Variants in BNC2 observed in about 807,000 individuals in gnomAD.
BNC2 encodes the protein zinc finger protein basonuclin-2.
BNC2 carries 20 observed loss-of-function variants against 76.3 expected under a neutral mutation model. The ratio of observed to expected loss-of-function variants is 0.26; its 90% CI spans 0.18 to 0.38. The LOEUF (loss-of-function observed/expected upper bound fraction) is 0.38, where lower values mean the gene tolerates loss of function less well. BNC2 is among the 10% of genes least tolerant of loss of function. The probability of loss-of-function intolerance (pLI) is 1.00; values close to 1 mark genes in which losing one functional copy is unlikely to be tolerated. For missense variants in BNC2, 1,382 were observed against 1,399.8 expected (o/e 0.99, Z 0.20); for synonymous variants, 582 against 514.8 (o/e 1.13, Z -1.77).
At chr9:16,826,593 T>C (rs987364680) in intron 1 of BNC2, among the ~76,000 whole-genome samples, 1 of 152,158 alleles carries the variant, frequency 6.6e-6, no homozygotes, top group African/African-American at 2.4e-5. Flanking sequence ...TTTTCTATCT[T>C]TTGGACTCTT....
intron 5 of BNC2, among the ~76,000 whole-genome samples, chr9:16,519,715 C>T (rs1411900731): frequency 6.6e-6 from 1 of 152,210 alleles, no homozygotes; most frequent in African/African-American, 2.4e-5. Flanking sequence ...GTTTTTTCTA[C>T]AACCCTGTAA....
chr9:16,516,132 G>A (rs1817417698), intron 5 of BNC2, among the ~76,000 whole-genome samples: 1 of 152,148 alleles, frequency 6.6e-6, no homozygotes, highest in Admixed American at 6.5e-5. Flanking sequence ...CTTTCGGGTG[G>A]CCTGGTAAAC....
intron 5 of BNC2, among the ~76,000 whole-genome samples, chr9:16,508,769 C>A (rs1201368153): frequency 5.3e-5 from 8 of 151,836 alleles, no homozygotes; most frequent in South Asian, 2.1e-4. Context: ...CTTCTGCCCA[C>A]AAATCAGTCT....
chr9:16,574,568 G>A (rs948360885), intron 4 of BNC2, among the ~76,000 whole-genome samples: 6 of 152,088 alleles, frequency 3.9e-5, no homozygotes, highest in African/African-American at 1.4e-4. Flanking sequence ...GGAACACTTG[G>A]TCCAACAGCC....
intron 3 of BNC2, among the ~76,000 whole-genome samples, chr9:16,601,683 C>T (rs1182228361): frequency 8.6e-6 from 1 of 115,726 alleles, no homozygotes; most frequent in Non-Finnish European, 1.8e-5. Context: ...AAATGGCTAT[C>T]CATTTTCATT....
rs1429617401 is a variant in BNC2, at chr9:16,413,794, AC to A, written c.*5194del. On this transcript the variant is annotated 3_prime_UTR_variant, in exon 7 of 7. Coordinates refer to ENST00000380672, the MANE Select transcript of BNC2 (RefSeq NM_017637.6). ...CTGAGGGAAAATGTGAAGAGAAGTT[AC>A]TTACATACCTCATAGAACAGTAAAT... The A allele has an allele frequency of 6.6e-6, 1 of 152,206 alleles. No individual in the cohort carries two copies. Among genetic ancestry groups the A allele is most frequent in the African/African-American group, 2.4e-5 (1 of 41,448 alleles). The allele number at this position is 152,206 out of a possible 1,614,324, so 9.4% of individuals were successfully genotyped here.
intron 1 of BNC2, among the ~76,000 whole-genome samples, chr9:16,855,343 G>T (rs1288878673): frequency 6.6e-6 from 1 of 152,146 alleles, no homozygotes; most frequent in Non-Finnish European, 1.5e-5. Context: ...TAGGATGACA[G>T]CTTCTACTTC....
intron 3 of BNC2, among the ~76,000 whole-genome samples, chr9:16,661,497 G>A (rs1391886576): frequency 6.6e-6 from 1 of 152,152 alleles, no homozygotes; most frequent in Non-Finnish European, 1.5e-5. Flanking sequence ...TATTATAGAA[G>A]ACTCTGGAGT....
chr9:16,700,828 G>C (rs72706007), intron 3 of BNC2, among the ~76,000 whole-genome samples: 1 of 152,164 alleles, frequency 6.6e-6, no homozygotes, highest in South Asian at 2.1e-4. Flanking sequence ...TTAACTGAGC[G>C]TGGTGGCACA....
At chr9:16,784,442 G>C (rs1826228573) in intron 1 of BNC2, among the ~76,000 whole-genome samples, 1 of 152,182 alleles carries the variant, frequency 6.6e-6, no homozygotes, top group African/African-American at 2.4e-5. Flanking sequence ...AAAGTAATAA[G>C]TGCCTTAAGA....
At position 16,738,839 on chromosome 9, in the gene BNC2, C is replaced by G. The variant is rs1017858102; in HGVS notation, c.4-354G>C. Among the ~76,000 whole-genome samples the G allele has an allele frequency of 2.7e-5, 4 of 149,546 alleles. No individual in the cohort carries two copies. In the East Asian group the frequency reaches 8.0e-4, roughly 30 times the overall value. On this transcript the variant is annotated intron_variant, in intron 1 of 6. Coordinates refer to ENST00000380672, the MANE Select transcript of BNC2 (RefSeq NM_017637.6). ...CCCCCATCCTCCCGCCCCAGCCCCC[C>G]GCCCCGCTCCCTTGCCAAGTATAAG... is the stretch of plus-strand genomic sequence containing the variant.
intron 3 of BNC2, among the ~76,000 whole-genome samples, chr9:16,700,068 T>C (rs1424576459): frequency 6.6e-6 from 1 of 152,230 alleles, no homozygotes; most frequent in Non-Finnish European, 1.5e-5. Context: ...ATGATATGTA[T>C]ATGTCTTTAA....
rs141840181 is a variant in BNC2, at chr9:16,842,512, TAG to T, written c.3+28132_3+28133del. Among the ~76,000 whole-genome samples the T allele has an allele frequency of 6.0e-3, 917 of 152,254 alleles. 9 individuals carry two copies. Among genetic ancestry groups the T allele is most frequent in the East Asian group, 0.031 (163 of 5,178 alleles). On this transcript the variant is annotated intron_variant, in intron 1 of 6. Transcript: ENST00000380672. ...AGAATGGAGGATTTACTGTTGAGGATAGAGTTTCTCTGTGGAGTGACGAAAGC... is the reference window on the plus strand; with the variant it reads ...AGAATGGAGGATTTACTGTTGAGGATAGTTTCTCTGTGGAGTGACGAAAGC...
At chr9:16,605,151 T>C (rs1820347294) in intron 3 of BNC2, among the ~76,000 whole-genome samples, 1 of 152,228 alleles carries the variant, frequency 6.6e-6, no homozygotes, top group Non-Finnish European at 1.5e-5. Flanking sequence ...GATTGTGACC[T>C]CTATCTAATT....
chr9:16,712,565 A>C (rs1348520750), intron 3 of BNC2, among the ~76,000 whole-genome samples: 1 of 152,246 alleles, frequency 6.6e-6, no homozygotes, highest in Non-Finnish European at 1.5e-5. Flanking sequence ...GAAACACTAA[A>C]AGATGAGTAT....
At chr9:16,535,034 T>G (rs536674972) in intron 5 of BNC2, among the ~76,000 whole-genome samples, 1 of 152,286 alleles carries the variant, frequency 6.6e-6, no homozygotes, top group South Asian at 2.1e-4. Flanking sequence ...ATTTCCAAAT[T>G]TTTAACTTTT....
At position 16,707,859 on chromosome 9, in the gene BNC2, C is replaced by A. The variant is rs138598689; in HGVS notation, c.330+19938G>T. ...GTTTCACTATGTTGGCCAGGCTAGT[C>A]TGGAATCCCTGACCTCAGGTGCTCT... On this transcript the variant is annotated intron_variant, in intron 3 of 6. Transcript: ENST00000380672. Among the ~76,000 whole-genome samples, 91 of 152,230 alleles carry A rather than the reference C, an allele frequency of 6.0e-4. No homozygotes were observed. In the East Asian group the frequency reaches 0.012, roughly 19 times the overall value.
rs550729705 is a variant in BNC2 at position 16,720,923 on chromosome 9, T to C, written c.330+6874A>G. Among the ~76,000 whole-genome samples the C allele has an allele frequency of 1.1e-4, 17 of 152,300 alleles. No individual in the cohort carries two copies. The South Asian group carries it at 3.3e-3, about 30-fold the overall frequency. On this transcript the variant is annotated intron_variant, in intron 3 of 6. Coordinates refer to ENST00000380672, the MANE Select transcript of BNC2 (RefSeq NM_017637.6). ...GCACACTGTCTCCACCCAAATGAAC[T>C]CCAGTCATAAATTTTTCACCTGAGG...
At chr9:16,460,975 G>A (rs957384674) in intron 5 of BNC2, among the ~76,000 whole-genome samples, 35 of 150,942 alleles carry the variant, frequency 2.3e-4, no homozygotes, top group African/African-American at 8.3e-4. Flanking sequence ...TGTACAACTT[G>A]ATCTACCAAG....
Sources: allele counts gnomAD v4.1 joint callset (sites outside exome capture counted in the v4.1 genomes callset), GRCh38; gene constraint gnomAD v4.1.1; transcripts MANE v1.5; gene names NCBI Gene and HGNC (gene_info 2026-07-23, HGNC 2026-07-21).